Variants in PTPN2 observed in about 807,000 individuals in gnomAD.
PTPN2 encodes the protein tyrosine-protein phosphatase non-receptor type 2.
Under a neutral mutation model 57.3 loss-of-function variants are expected in PTPN2, and 19 were observed. The ratio of observed to expected loss-of-function variants is 0.33; its 90% CI spans 0.23 to 0.49. PTPN2 has a LOEUF of 0.49. Ranked by LOEUF, PTPN2 falls within the 20% of genes least tolerant of loss-of-function variation. The pLI is 0.99. For missense variants in PTPN2, 358 were observed against 501.1 expected, an observed-to-expected ratio of 0.71 and a Z score of 2.73; for synonymous variants, 153 against 164.9, an observed-to-expected ratio of 0.93 and a Z score of 0.55.
intron 2 of PTPN2, among the ~76,000 whole-genome samples, chr18:12,841,938 C>G (rs1231454029): frequency 6.8e-6 from 1 of 147,570 alleles, no homozygotes; most frequent in Non-Finnish European, 1.5e-5. Context: ...TGGAGTTTCG[C>G]TCTTGTTGCC....
intron 5 of PTPN2, among the ~76,000 whole-genome samples, chr18:12,825,169 G>GTGTGTGTA (rs2042404623): frequency 6.6e-6 from 1 of 152,064 alleles, no homozygotes; most frequent in African/African-American, 2.4e-5. Context: ...ATTTATACAT[G>GTGTGTGTA]TGTGTGTATG....
At chr18:12,790,943 C>G (rs75411659), downstream of PTPN2, among the ~76,000 whole-genome samples, 22,226 of 152,024 alleles carry the variant, frequency 0.15, 1,762 homozygotes, top group African/African-American at 0.19. Flanking sequence ...GACCAAAAGA[C>G]AGAAAACCTC....
intron 8 of PTPN2, 135 bp downstream of exon 8, chr18:12,801,834 GT>G (rs45497292): frequency 0.021 from 18,359 of 882,794 alleles, 291 homozygotes; most frequent in South Asian, 0.054. Context: ...CTCCCAAAGT[GT>G]TGAGATTACA....
At position 12,796,466 on chromosome 18, in the gene PTPN2, A is replaced by G. The variant is rs1317572854; in HGVS notation, c.1041-1981T>C. On this transcript the variant is annotated intron_variant, in intron 8 of 8. Transcript: ENST00000309660. ...AATCTGAATTGAACTATGTATTAGA[A>G]TATTTTAATCAATGTTACACTTCTT... Among the ~76,000 whole-genome samples the G allele has an allele frequency of 3.3e-5, 5 of 152,256 alleles. No individual in the cohort carries two copies. In the East Asian group the frequency reaches 9.6e-4, roughly 29 times the overall value.
At chr18:12,867,539 A>T (rs1431240534) in intron 1 of PTPN2, among the ~76,000 whole-genome samples, 1 of 151,728 alleles carries the variant, frequency 6.6e-6, no homozygotes, top group Admixed American at 6.6e-5. Flanking sequence ...GGCTGACTTC[A>T]AAAAAAATAC....
intron 1 of PTPN2, 104 bp downstream of exon 1, chr18:12,883,969 A>G: frequency 1.0e-6 from 1 of 976,190 alleles, no homozygotes; most frequent in Non-Finnish European, 1.5e-6. Context: ...CCCGAGCGAG[A>G]GGCTAGAGGC....
Position 12,825,840 on chromosome 18 carries a change from T to C in PTPN2, c.465A>G (p.Thr155=), listed in dbSNP as rs759392651. 1.2e-6 allele frequency: 2 copies of C among 1,610,192 alleles called. No homozygotes were observed. The highest frequency in any genetic ancestry group is 1.3e-5 in the African/African-American group (1 of 74,920). The change falls in exon 5 of 9, where the codon ACA becomes ACG. Residue 155 remains threonine (T), a synonymous_variant. Transcript: ENST00000309660. The stretch of plus-strand genomic sequence containing the variant: ...TATTTTCTAATTGTAGTAGATGTAC[T>C]GTATAATACGACTTCACATCTTCTG... ...LLSEDVKSYY[T]VHLLQLENIN...
At chr18:12,804,692 T>C (rs886940060) in intron 7 of PTPN2, among the ~76,000 whole-genome samples, 18 of 152,240 alleles carry the variant, frequency 1.2e-4, no homozygotes, top group Admixed American at 6.5e-4. Flanking sequence ...CATGAAGACA[T>C]AGAAAACCTG....
At chr18:12,828,743 C>T (rs971270240) in intron 4 of PTPN2, among the ~76,000 whole-genome samples, 1 of 152,112 alleles carries the variant, frequency 6.6e-6, no homozygotes, top group African/African-American at 2.4e-5. Context: ...AAAACAATGA[C>T]CAGTCCAGTT....
At chr18:12,849,723 T>C (rs947714148) in intron 2 of PTPN2, among the ~76,000 whole-genome samples, 3 of 152,218 alleles carry the variant, frequency 2.0e-5, no homozygotes, top group African/African-American at 7.2e-5. Context: ...TCACTTGCAT[T>C]ATTATGAAAC....
intron 1 of PTPN2, among the ~76,000 whole-genome samples, chr18:12,880,072 G>C (rs111398077): frequency 6.6e-6 from 1 of 152,156 alleles, no homozygotes; most frequent in Non-Finnish European, 1.5e-5. Flanking sequence ...AAAGAAGTAC[G>C]CAACAGGGGC....
chr18:12,876,026 G>A (rs528178292), intron 1 of PTPN2, among the ~76,000 whole-genome samples: 2 of 152,102 alleles, frequency 1.3e-5, no homozygotes, highest in East Asian at 3.9e-4. Flanking sequence ...TGGACAACAT[G>A]GTGAGAACCT....
chr18:12,836,975 A>C, intron 2 of PTPN2, 84 bp from the exon 3 acceptor site: 1 of 820,624 alleles, frequency 1.2e-6, no homozygotes, highest in East Asian at 2.7e-5. Context: ...GTATTTATAA[A>C]AAGACAGAAG....
chr18:12,882,104 G>A (rs1217473807), intron 1 of PTPN2, among the ~76,000 whole-genome samples: 2 of 152,174 alleles, frequency 1.3e-5, no homozygotes, highest in African/African-American at 4.8e-5. Context: ...CATATTTGTG[G>A]AATGGCTGAA....
At chr18:12,859,632 T>C (rs1405700952) in intron 1 of PTPN2, among the ~76,000 whole-genome samples, 1 of 152,202 alleles carries the variant, frequency 6.6e-6, no homozygotes, top group Non-Finnish European at 1.5e-5. Flanking sequence ...TGAAGCAGAA[T>C]TAATGCAATG....
intron 2 of PTPN2, among the ~76,000 whole-genome samples, chr18:12,843,493 T>C (rs1182186536): frequency 6.6e-6 from 1 of 151,978 alleles, no homozygotes; most frequent in African/African-American, 2.4e-5. Context: ...ACTCCAGCAC[T>C]CCCCCACTGC....
intron 5 of PTPN2, among the ~76,000 whole-genome samples, chr18:12,821,062 T>C (rs2042254104): frequency 6.6e-6 from 1 of 152,180 alleles, no homozygotes. Flanking sequence ...ATTATACATT[T>C]TCCAATTATC....
chr18:12,878,573 G>A (rs892734219), intron 1 of PTPN2, among the ~76,000 whole-genome samples: 1 of 152,058 alleles, frequency 6.6e-6, no homozygotes, highest in Admixed American at 6.6e-5. Flanking sequence ...GGGAGGCTGA[G>A]GCAGTAGAAC....
intron 2 of PTPN2, among the ~76,000 whole-genome samples, chr18:12,855,634 G>A (rs552094450): frequency 6.6e-6 from 1 of 152,090 alleles, no homozygotes; most frequent in East Asian, 1.9e-4. Flanking sequence ...AATTTACTCG[G>A]TGCAGAGCTG....
Sources: allele counts gnomAD v4.1 joint callset (sites outside exome capture counted in the v4.1 genomes callset), GRCh38; gene constraint gnomAD v4.1.1; transcripts MANE v1.5; gene names NCBI Gene and HGNC (gene_info 2026-07-23, HGNC 2026-07-21).